Variants in SSH2 observed in about 807,000 individuals in gnomAD.
SSH2 encodes protein phosphatase Slingshot homolog 2.
In SSH2, 37 loss-of-function variants were observed where a neutral mutation model predicts 135.2. The observed-to-expected ratio is 0.27, with a 90% CI of 0.21 to 0.36. SSH2 has a LOEUF of 0.36. SSH2 is among the 10% of genes least tolerant of loss of function. The pLI, the probability that SSH2 is intolerant of heterozygous loss-of-function variation, is 1.00. For synonymous variants in SSH2, 628 were observed against 646.2 expected (o/e 0.97, Z 0.43); for missense variants, 1,408 against 1,765.3 (o/e 0.80, Z 3.63).
chr17:29,874,626 AC>A (rs1487937045), intron 1 of SSH2, among the ~76,000 whole-genome samples: 1 of 152,066 alleles, frequency 6.6e-6, no homozygotes, highest in Non-Finnish European at 1.5e-5. Flanking sequence ...TTTGCCTTCC[AC>A]CATGATTGTA....
chr17:29,799,217 A>G (rs2042209194), intron 2 of SSH2, among the ~76,000 whole-genome samples: 1 of 152,138 alleles, frequency 6.6e-6, no homozygotes. Context: ...TTTTTTGGTG[A>G]CATACACAAT....
intron 5 of SSH2, among the ~76,000 whole-genome samples, chr17:29,692,442 G>C (rs1168852923): frequency 6.6e-6 from 1 of 152,118 alleles, no homozygotes; most frequent in Non-Finnish European, 1.5e-5. Flanking sequence ...TTTGAACTTT[G>C]AATTCAGAGG....
At chr17:29,872,495 C>A (rs187536046) in intron 1 of SSH2, among the ~76,000 whole-genome samples, 67 of 152,318 alleles carry the variant, frequency 4.4e-4, no homozygotes, top group Non-Finnish European at 8.2e-4. Flanking sequence ...TGGCTTACGC[C>A]TATAATCCCA....
chr17:29,845,024 C>A (rs2043108323), intron 2 of SSH2, among the ~76,000 whole-genome samples: 1 of 151,722 alleles, frequency 6.6e-6, no homozygotes. Flanking sequence ...CTCTAAGGGC[C>A]CCTACTCCCC....
intron 5 of SSH2, among the ~76,000 whole-genome samples, chr17:29,693,776 G>T (rs1238662581): frequency 6.6e-6 from 1 of 151,940 alleles, no homozygotes; most frequent in African/African-American, 2.4e-5. Flanking sequence ...TCTAATCAAA[G>T]GACTCATTAC....
intron 3 of SSH2, among the ~76,000 whole-genome samples, chr17:29,748,827 T>C (rs1255507563): frequency 6.6e-6 from 1 of 152,198 alleles, no homozygotes; most frequent in Non-Finnish European, 1.5e-5. Context: ...AATCATTCTG[T>C]AAATCAGACA....
chr17:29,648,220 C>G lies in SSH2; in HGVS notation c.1351G>C (p.Glu451Gln), dbSNP rs748727968. Reference protein sequence around the residue: ...NLDRAYDYVKERRTVTKPNPS... With the variant: ...NLDRAYDYVKQRRTVTKPNPS... ...TTGGGCTTGGTTACCGTTCGTCTTTCTTTCACATAGTCATAGGCTCGGTCC... is the reference window on the plus strand; with the variant it reads ...TTGGGCTTGGTTACCGTTCGTCTTTGTTTCACATAGTCATAGGCTCGGTCC... Residue 451 changes from glutamate (E) to glutamine (Q), a missense_variant, in exon 14 of 16, where the codon GAA becomes CAA. By Grantham distance (29) the Glu-to-Gln change is conservative. Around this residue, in one of 3 missense-constraint regions of SSH2, gnomAD observed 106 missense variants for 265.2 expected, o/e 0.40. Coordinates refer to ENST00000540801, the MANE Select transcript of SSH2 (RefSeq NM_001282129.2). 1 of 1,614,170 alleles carries G rather than the reference C, an allele frequency of 6.2e-7. No individual in the cohort carries two copies.
At chr17:29,700,687 A>G (rs1176620615) in intron 4 of SSH2, among the ~76,000 whole-genome samples, 3 of 152,244 alleles carry the variant, frequency 2.0e-5, no homozygotes, top group African/African-American at 4.8e-5. Context: ...TATATTCTGT[A>G]TCATTCCCCT....
At chr17:29,835,022 A>C (rs1318025359) in intron 2 of SSH2, among the ~76,000 whole-genome samples, 2 of 152,218 alleles carry the variant, frequency 1.3e-5, no homozygotes, top group Non-Finnish European at 2.9e-5. Flanking sequence ...ATAACTCTTG[A>C]CTAAAATGTC....
At chr17:29,811,632 G>A (rs995401714) in intron 2 of SSH2, among the ~76,000 whole-genome samples, 3 of 151,554 alleles carry the variant, frequency 2.0e-5, no homozygotes, top group East Asian at 1.9e-4. Context: ...GCACTGTTGC[G>A]ATCATACCTT....
intron 3 of SSH2, among the ~76,000 whole-genome samples, chr17:29,715,821 T>C (rs2039603879): frequency 6.6e-6 from 1 of 152,184 alleles, no homozygotes; most frequent in South Asian, 2.1e-4. Flanking sequence ...ATTCACGGTC[T>C]CAGTGCAAGG....
rs371168577 is a variant in SSH2, at chr17:29,756,453, T to C, written c.188+37441A>G. The stretch of plus-strand genomic sequence containing the variant: ...ACCTGCCTGCCTGCCTGCCTGCCTA[T>C]CTGTCTATCTATCCATCCACCCACC... On this transcript the variant is annotated intron_variant, in intron 3 of 15. Transcript: ENST00000540801. Among the ~76,000 whole-genome samples, 162 of 45,952 alleles carry C rather than the reference T, an allele frequency of 3.5e-3. 2 individuals carry two copies. Among genetic ancestry groups the C allele is most frequent in the South Asian group, 0.013 (22 of 1,652 alleles). The allele number at this position is 45,952 out of a possible 152,430, so 30.1% of individuals were successfully genotyped here. A position where few individuals can be genotyped will look rare whatever the true frequency, so the allele number is the denominator to read the frequency against.
Position 29,773,404 on chromosome 17 carries a change from ATTTTACCTGGGAAATCT to A in SSH2, c.188+20473_188+20489del, listed in dbSNP as rs553668132. ...TAATTACATTTTTTAAAACATTTTA[ATTTTACCTGGGAAATCT>A]TTTGTTTTTCAGAAATCTTGTTTTC... On this transcript the variant is annotated intron_variant, in intron 3 of 15. Transcript: ENST00000540801. 3.3e-4 allele frequency among the ~76,000 whole-genome samples: 51 copies of A among 152,274 alleles called. 1 individual carries two copies. In the South Asian group the frequency reaches 0.011, roughly 32 times the overall value.
chr17:29,636,389 T>A lies in SSH2; in HGVS notation c.1841A>T (p.Asn614Ile). 1 of 1,614,234 alleles carries A rather than the reference T, an allele frequency of 6.2e-7. No individual in the cohort carries two copies. The highest frequency in any genetic ancestry group is 8.5e-7 in the Non-Finnish European group (1 of 1,180,034). Residue 614 changes from asparagine to isoleucine, a missense_variant, in exon 15 of 16, where the codon AAC (asparagine) becomes ATC (isoleucine). Asn to Ile is a moderately radical substitution (Grantham distance 149, BLOSUM62 -3). Around this residue, in one of 3 missense-constraint regions of SSH2, gnomAD observed 1,080 missense variants for 1,144.5 expected, o/e 0.94. Transcript: ENST00000540801. ...TTCCACTGTTAAGTCTGGAAACTTG[T>A]TGGCCATTTCTGGGACATGTCCAGG... ...IQPGHVPEMANKFPDLTVEDL... is the reference protein window; with the variant it reads ...IQPGHVPEMAIKFPDLTVEDL...
intron 1 of SSH2, among the ~76,000 whole-genome samples, chr17:29,916,921 A>T (rs2066891712): frequency 6.6e-6 from 1 of 152,118 alleles, no homozygotes; most frequent in Non-Finnish European, 1.5e-5. Context: ...TGATGGAACA[A>T]TAGGAGAATC....
At chr17:29,850,404 A>G (rs1395430615) in intron 1 of SSH2, among the ~76,000 whole-genome samples, 2 of 152,172 alleles carry the variant, frequency 1.3e-5, no homozygotes, top group Admixed American at 6.5e-5. Context: ...TAACTACTTC[A>G]TGGCTATCCT....
Position 29,650,690 on chromosome 17 carries a change from T to C in SSH2, c.1190A>G (p.Tyr397Cys). The change falls in exon 13 of 16, where the codon TAC becomes TGC. Residue 397 changes from tyrosine (Y) to cysteine (C), a missense_variant. Tyr to Cys is a radical substitution (Grantham distance 194). This residue lies in a region of SSH2 where 106 missense variants were observed against 265.2 expected (regional missense o/e 0.40). Coordinates refer to ENST00000540801, the MANE Select transcript of SSH2 (RefSeq NM_001282129.2). ...GATGAATTTGTAAGTGTCATTCCAG[T>C]ACGCCAGGAGATCCGTTGCCTCTTC... ...YDEEATDLLA[Y>C]WNDTYKFISK... 1 of 1,614,016 alleles carries C rather than the reference T, an allele frequency of 6.2e-7. No individual in the cohort carries two copies. The highest frequency in any genetic ancestry group is 8.5e-7 in the Non-Finnish European group (1 of 1,179,974).
At chr17:29,837,296 A>C (rs1015332868) in intron 2 of SSH2, among the ~76,000 whole-genome samples, 57 of 152,064 alleles carry the variant, frequency 3.7e-4, no homozygotes, top group Admixed American at 6.6e-4. Context: ...TAGACATCTT[A>C]GATAGCAAAC....
At chr17:29,737,553 A>G (rs972300729) in intron 3 of SSH2, among the ~76,000 whole-genome samples, 1 of 152,234 alleles carries the variant, frequency 6.6e-6, no homozygotes, top group Non-Finnish European at 1.5e-5. Context: ...AATAAGGCAC[A>G]GTACAAAAGC....
Sources: allele counts gnomAD v4.1 joint callset (sites outside exome capture counted in the v4.1 genomes callset), GRCh38; gene constraint gnomAD v4.1.1; regional missense constraint gnomAD v4.1.1; transcripts MANE v1.5; gene names NCBI Gene and HGNC (gene_info 2026-07-23, HGNC 2026-07-21).